The following FAM83F variants were observed in gnomAD, a reference collection of about 807,000 sequenced individuals.
FAM83F encodes protein FAM83F.
FAM83F carries 45 observed loss-of-function variants against 42.9 expected under a neutral mutation model. The observed-to-expected ratio is 1.05, with a 90% confidence interval of 0.83 to 1.35. The LOEUF (loss-of-function observed/expected upper bound fraction) is 1.35. Among genes scored for constraint, FAM83F ranks in the 40% most tolerant of loss-of-function variants. FAM83F has a pLI of 0.00. For synonymous variants in FAM83F, 306 were observed against 298.3 expected (o/e 1.03, Z -0.27); for missense variants, 617 against 695.9 (o/e 0.89, Z 1.28).
rs2067544641 is a variant in FAM83F at position 40,025,153 on chromosome 22, C to T, written c.1453+3190C>T. On this transcript the variant is annotated intron_variant, in intron 4 of 4. Transcript: ENST00000333407. ...CATGCAACGAGGCCAGGCGCGGTGG[C>T]TCATGCCTGTAATCCCAGTGCTTTG... Among the ~76,000 whole-genome samples, 6 of 152,200 alleles carry T rather than the reference C, an allele frequency of 3.9e-5. No homozygotes were observed. The South Asian group carries it at 1.2e-3, about 32-fold the overall frequency.
At chr22:40,020,565 G>A (rs1035250870) in intron 3 of FAM83F, among the ~76,000 whole-genome samples, 2 of 151,976 alleles carry the variant, frequency 1.3e-5, no homozygotes, top group African/African-American at 4.8e-5. Flanking sequence ...GTTTCACCAT[G>A]TTGGCCAGGC....
Position 40,029,766 on chromosome 22 carries a change from C to G in FAM83F, c.*201C>G. The G allele has an allele frequency of 1.4e-6, 1 of 699,110 alleles. No individual in the cohort carries two copies. 43.3% of individuals were successfully genotyped at this position (699,110 alleles called of 1,614,324 possible). ...ATCTCAGTCACACGCCTCCACCGGA[C>G]TGTCGGTGGCTGGGCAGGGGTCAGT... On this transcript the variant is annotated 3_prime_UTR_variant, in exon 5 of 5. Transcript: ENST00000333407.
rs939700662 is a variant in FAM83F at position 40,023,102 on chromosome 22, T to C, written c.1453+1139T>C. Among the ~76,000 whole-genome samples the C allele has an allele frequency of 2.0e-5, 3 of 152,200 alleles. No individual in the cohort carries two copies. Among genetic ancestry groups the C allele is most frequent in the Admixed American group, 6.5e-5 (1 of 15,284 alleles). On this transcript the variant is annotated intron_variant, in intron 4 of 4. Transcript: ENST00000333407. This position sits in a 1 kb window ranked among gnomAD's most constrained non-coding sequence, Gnocchi z 4.1. ...GTTCCTTCTGTTTGGCCTGGAGACGTTGACTGAGCTGCTGGCTTGCCAGGT... is the reference window on the plus strand; with the variant it reads ...GTTCCTTCTGTTTGGCCTGGAGACGCTGACTGAGCTGCTGGCTTGCCAGGT...
intron 1 of FAM83F, among the ~76,000 whole-genome samples, chr22:40,005,604 T>C (rs1259997112): frequency 2.0e-5 from 3 of 152,238 alleles, no homozygotes; most frequent in African/African-American, 7.2e-5. Context: ...GTCTCCTTTG[T>C]ACATACACCC....
intron 1 of FAM83F, among the ~76,000 whole-genome samples, chr22:39,999,706 G>A (rs562286531): frequency 1.5e-4 from 23 of 152,276 alleles, no homozygotes; most frequent in Admixed American, 8.5e-4. Flanking sequence ...TAAACACAAC[G>A]TAGGAGAGGG....
rs1196085468 is a variant in FAM83F, at chr22:40,032,968, A to G, written c.*3403A>G. On this transcript the variant is annotated 3_prime_UTR_variant, in exon 5 of 5. Coordinates refer to ENST00000333407, the MANE Select transcript of FAM83F (RefSeq NM_138435.4). ...CAGTCACCATGCTAGATGCTTTAGT[A>G]ACATGAAGGTTTCAAACTAAGAAAA... 1 of 152,202 alleles carries G rather than the reference A, an allele frequency of 6.6e-6. No individual in the cohort carries two copies. Among genetic ancestry groups the G allele is most frequent in the Non-Finnish European group, 1.5e-5 (1 of 68,054 alleles). The allele number at this position is 152,202 out of a possible 1,614,324, so 9.4% of individuals were successfully genotyped here. A position where few individuals can be genotyped will look rare whatever the true frequency, so the allele number is the denominator to read the frequency against.
intron 1 of FAM83F, among the ~76,000 whole-genome samples, chr22:40,005,464 C>T (rs2067422625): frequency 1.3e-5 from 2 of 152,214 alleles, no homozygotes; most frequent in South Asian, 4.1e-4. Flanking sequence ...GAAAAGCTGG[C>T]CTAGGATCTT....
intron 1 of FAM83F, among the ~76,000 whole-genome samples, chr22:39,996,070 G>A (rs2067372439): frequency 6.6e-6 from 1 of 152,178 alleles, no homozygotes; most frequent in South Asian, 2.1e-4. Context: ...CCTGGGCCGG[G>A]TACTAGGCCC....
intron 1 of FAM83F, among the ~76,000 whole-genome samples, chr22:40,005,895 C>T (rs1257348063): frequency 6.6e-6 from 1 of 152,214 alleles, no homozygotes; most frequent in East Asian, 1.9e-4. Context: ...GGACGAAGCA[C>T]AGATGCTCTG....
At chr22:39,999,151 A>G (rs1295516078) in intron 1 of FAM83F, 2 of 152,208 alleles carry the variant, frequency 1.3e-5, no homozygotes, top group Non-Finnish European at 2.9e-5. Context: ...CCATCATCTA[A>G]TACAGTCTGA....
At chr22:40,003,602 C>T (rs2067412669) in intron 1 of FAM83F, among the ~76,000 whole-genome samples, 1 of 152,068 alleles carries the variant, frequency 6.6e-6, no homozygotes, top group South Asian at 2.1e-4. Context: ...TCCCTGCCTG[C>T]CCCCACCCCC....
rs147341198 is a variant in FAM83F, at chr22:40,016,883, C to T, written c.490-2285C>T. On this transcript the variant is annotated intron_variant, in intron 1 of 4. Coordinates refer to ENST00000333407, the MANE Select transcript of FAM83F (RefSeq NM_138435.4). Reference sequence around the variant, plus strand: ...TTCACCATGTTGGCCAGGCTGGTTTCGAACTCCTGGCCTCAAGTGATCCGC... The same window carrying T: ...TTCACCATGTTGGCCAGGCTGGTTTTGAACTCCTGGCCTCAAGTGATCCGC... 4.7e-3 allele frequency among the ~76,000 whole-genome samples: 718 copies of T among 151,526 alleles called. 7 individuals are homozygous for T. Among genetic ancestry groups the T allele is most frequent in the African/African-American group, 0.016 (658 of 41,286 alleles).
intron 1 of FAM83F, among the ~76,000 whole-genome samples, chr22:40,006,427 G>A (rs2145710822): frequency 6.6e-6 from 1 of 152,296 alleles, no homozygotes; most frequent in East Asian, 1.9e-4. Context: ...ACCCTCATGT[G>A]CCTAGACAGA....
rs2067371693 is a variant in FAM83F at position 39,995,841 on chromosome 22, G to A, written c.489+310G>A. On this transcript the variant is annotated intron_variant, in intron 1 of 4. Coordinates refer to ENST00000333407, the MANE Select transcript of FAM83F (RefSeq NM_138435.4). This position sits in a 1 kb window ranked among gnomAD's most constrained non-coding sequence, Gnocchi z 4.6. ...TCCTCCCCAGGGAAGACTGGGGGCC[G>A]AGGCCCTGTGGTTAAAATGCACCAC... 6.6e-6 allele frequency among the ~76,000 whole-genome samples: 1 copy of A among 152,238 alleles called. No homozygotes were observed. Among genetic ancestry groups the A allele is most frequent in the Non-Finnish European group, 1.5e-5 (1 of 68,044 alleles).
At chr22:40,001,252 A>G (rs2067399910) in intron 1 of FAM83F, among the ~76,000 whole-genome samples, 1 of 152,268 alleles carries the variant, frequency 6.6e-6, no homozygotes, top group East Asian at 1.9e-4. Flanking sequence ...TCATCTGACC[A>G]CTTACTCACT....
At position 40,033,704 on chromosome 22, in the gene FAM83F, C is replaced by G. The variant is rs1177256839; in HGVS notation, c.*4139C>G. On this transcript the variant is annotated 3_prime_UTR_variant, in exon 5 of 5. Transcript: ENST00000333407. ...CGTTGAGAGCACTGGCTCTTTTCTT[C>G]ACAGTCCTGACCTGGTGGCCTGCAC... 1 of 152,294 alleles carries G rather than the reference C, an allele frequency of 6.6e-6. No homozygotes were observed. Among genetic ancestry groups the G allele is most frequent in the African/African-American group, 2.4e-5 (1 of 41,464 alleles). The allele number at this position is 152,294 out of a possible 1,614,324, so 9.4% of individuals were successfully genotyped here.
chr22:40,041,298 A>C lies in FAM83F; in HGVS notation c.*11733A>C, dbSNP rs973834485. ...TCTGAAAGCTGGGTGGGTTGGAACA[A>C]ACAAACAGAAAAATATTTTCCCCAA... On this transcript the variant is annotated 3_prime_UTR_variant, in exon 5 of 5. Transcript: ENST00000333407. 3.9e-5 allele frequency: 6 copies of C among 152,204 alleles called. No individual in the cohort carries two copies. The highest frequency in any genetic ancestry group is 1.4e-4 in the African/African-American group (6 of 41,438). The allele number at this position is 152,204 out of a possible 1,614,324, so 9.4% of individuals were successfully genotyped here.
intron 4 of FAM83F, among the ~76,000 whole-genome samples, chr22:40,026,313 G>T (rs1262796504): frequency 6.6e-6 from 1 of 152,172 alleles, no homozygotes; most frequent in Non-Finnish European, 1.5e-5. Flanking sequence ...GAGGTCAGGA[G>T]ATCGAGATCA....
At chr22:39,998,167 T>C (rs2067380524) in intron 1 of FAM83F, among the ~76,000 whole-genome samples, 1 of 152,130 alleles carries the variant, frequency 6.6e-6, no homozygotes, top group Non-Finnish European at 1.5e-5. Flanking sequence ...CCTTTCGCCC[T>C]GAGGGAGGGA....
Sources: allele counts gnomAD v4.1 joint callset (sites outside exome capture counted in the v4.1 genomes callset), GRCh38; gene constraint gnomAD v4.1.1; non-coding constraint Gnocchi (gnomAD v3.1); transcripts MANE v1.5; gene names NCBI Gene and HGNC (gene_info 2026-07-23, HGNC 2026-07-21).